The following GPR83 variants were observed in gnomAD, a reference collection of about 807,000 sequenced individuals.
GPR83 encodes G protein-coupled receptor 83.
In GPR83, 23 loss-of-function variants were observed where a neutral mutation model predicts 28.0. The ratio of observed to expected loss-of-function variants is 0.82; its 90% CI spans 0.59 to 1.16. The LOEUF is 1.16. GPR83 is among the 50% of genes most tolerant of loss of function. GPR83 has a pLI of 0.00. For missense variants in GPR83, 610 were observed against 536.6 expected, an observed-to-expected ratio of 1.14 and a Z score of -1.35; for synonymous variants, 234 against 215.4, an observed-to-expected ratio of 1.09 and a Z score of -0.76.
intron 3 of GPR83, among the ~76,000 whole-genome samples, chr11:94,388,430 T>C (rs1944781470): frequency 6.6e-6 from 1 of 152,192 alleles, no homozygotes; most frequent in Non-Finnish European, 1.5e-5. Context: ...AACCCCATCA[T>C]CTCAGCCCAA....
chr11:94,380,362 C>A lies in GPR83; in HGVS notation c.1059G>T (p.Arg353Ser), dbSNP rs764984463. Reference protein sequence around the residue: ...FIYCWLNENFRIELKALLSMC... With the variant: ...FIYCWLNENFSIELKALLSMC... Reference sequence around the variant, plus strand: ...TGCTCAGTAATGCCTTTAGCTCAATCCTGAAGTTCTCGTTCAGCCAGCAGT... The same window carrying A: ...TGCTCAGTAATGCCTTTAGCTCAATACTGAAGTTCTCGTTCAGCCAGCAGT... The change falls in exon 4 of 4, where the codon AGG becomes AGT. Residue 353 changes from arginine to serine, a missense_variant. By Grantham distance (110) the Arg-to-Ser change is moderately radical. Coordinates refer to ENST00000243673, the MANE Select transcript of GPR83 (RefSeq NM_016540.4). 2.5e-6 allele frequency: 4 copies of A among 1,614,014 alleles called. No homozygotes were observed. The highest frequency in any genetic ancestry group is 3.4e-6 in the Non-Finnish European group (4 of 1,179,928).
chr11:94,393,910 T>C (rs1352189437), intron 2 of GPR83, among the ~76,000 whole-genome samples: 3 of 152,088 alleles, frequency 2.0e-5, no homozygotes, highest in African/African-American at 7.2e-5. Flanking sequence ...TTATGTTCAT[T>C]ATTGAGCCCC....
At chr11:94,386,170 G>A (rs370543595) in intron 3 of GPR83, among the ~76,000 whole-genome samples, 6 of 152,144 alleles carry the variant, frequency 3.9e-5, no homozygotes, top group East Asian at 3.9e-4. Flanking sequence ...TCACCACCAG[G>A]CCTGCCCTAC....
At chr11:94,396,607 C>T (rs1051542752) in intron 1 of GPR83, 83 bp from the exon 2 acceptor site, 2 of 1,391,664 alleles carry the variant, frequency 1.4e-6, no homozygotes, top group South Asian at 1.3e-5. Flanking sequence ...GGAGCATGCC[C>T]TTAGGGGGAT....
At chr11:94,382,147 G>A (rs973355977) in intron 3 of GPR83, among the ~76,000 whole-genome samples, 3 of 152,108 alleles carry the variant, frequency 2.0e-5, no homozygotes. Context: ...GAGGTCAGGA[G>A]TTCCAGACCA....
At chr11:94,399,701 G>A (rs147322459) in intron 1 of GPR83, among the ~76,000 whole-genome samples, 167 of 152,240 alleles carry the variant, frequency 1.1e-3, no homozygotes, top group African/African-American at 3.8e-3. Context: ...ATGGCAAGGA[G>A]ACAGACAGAG....
intron 3 of GPR83, among the ~76,000 whole-genome samples, chr11:94,389,883 C>T (rs1387826804): frequency 5.3e-5 from 8 of 152,120 alleles, no homozygotes; most frequent in African/African-American, 9.7e-5. Context: ...ATGATTATTG[C>T]GGCACTATTC....
At position 94,386,129 on chromosome 11, in the gene GPR83, G is replaced by T. The variant is rs190271117; in HGVS notation, c.648-5356C>A. Among the ~76,000 whole-genome samples, 435 of 152,176 alleles carry T rather than the reference G, an allele frequency of 2.9e-3. 3 individuals carry two copies. Among genetic ancestry groups the T allele is most frequent in the African/African-American group, 9.9e-3 (412 of 41,518 alleles). Reference sequence around the variant, plus strand: ...CATAAGTGAAGGAGAAATAAATTACGTTACAGATAAGCAAATGCTGAGAGA... The same window carrying T: ...CATAAGTGAAGGAGAAATAAATTACTTTACAGATAAGCAAATGCTGAGAGA... On this transcript the variant is annotated intron_variant, in intron 3 of 3. Coordinates refer to ENST00000243673, the MANE Select transcript of GPR83 (RefSeq NM_016540.4).
intron 2 of GPR83, among the ~76,000 whole-genome samples, chr11:94,394,420 G>A (rs1410761607): frequency 2.6e-5 from 4 of 152,202 alleles, no homozygotes; most frequent in Non-Finnish European, 5.9e-5. Flanking sequence ...TCTTGGAGTT[G>A]CTACTGTATA....
At position 94,400,923 on chromosome 11, in the gene GPR83, A is replaced by G; in HGVS notation, c.325T>C (p.Phe109Leu). ...TCGGCAACTGCCAGGTTGACGATGA[A>G]GAGGCTGGTGGCCGAGTGCATTCGC... ...NQRMHSATSL[F>L]IVNLAVADIM... The change falls in exon 1 of 4, where the codon TTC (phenylalanine) becomes CTC (leucine). Residue 109 changes from phenylalanine to leucine, a missense_variant. Coordinates refer to ENST00000243673, the MANE Select transcript of GPR83 (RefSeq NM_016540.4). 1 of 1,614,136 alleles carries G rather than the reference A, an allele frequency of 6.2e-7. No homozygotes were observed. The highest frequency in any genetic ancestry group is 8.5e-7 in the Non-Finnish European group (1 of 1,179,970).
chr11:94,389,816 C>T (rs1397167014), intron 3 of GPR83, among the ~76,000 whole-genome samples: 1 of 152,174 alleles, frequency 6.6e-6, no homozygotes, highest in East Asian at 1.9e-4. Flanking sequence ...CATCCCATTA[C>T]TGGGTATATA....
rs780449981 is a variant in GPR83, at chr11:94,380,252, T to C, written c.1169A>G (p.Asp390Gly). 2 of 1,537,484 alleles carry C rather than the reference T, an allele frequency of 1.3e-6. No homozygotes were observed. Among genetic ancestry groups the C allele is most frequent in the South Asian group, 1.3e-5 (1 of 77,558 alleles). ...SFRVAWTEKN[D>G]GQRAPLANNL... ...ATTGGCAAGGGGAGCCCTCTGGCCATCATTCTTCTCTGTCCAGGCCACCCT... is the reference window on the plus strand; with the variant it reads ...ATTGGCAAGGGGAGCCCTCTGGCCACCATTCTTCTCTGTCCAGGCCACCCT... Residue 390 changes from aspartate to glycine, a missense_variant, in exon 4 of 4, where the codon GAT becomes GGT. Physicochemically the swap from Asp to Gly is moderately conservative, Grantham distance 94. Coordinates refer to ENST00000243673, the MANE Select transcript of GPR83 (RefSeq NM_016540.4).
chr11:94,393,028 C>T (rs1280089661), intron 3 of GPR83, among the ~76,000 whole-genome samples: 5 of 152,142 alleles, frequency 3.3e-5, no homozygotes, highest in Non-Finnish European at 7.4e-5. Context: ...GAAAGAAAGA[C>T]GTTCTCATTC....
In GPR83 at chr11:94,380,256, T is replaced by A; in HGVS notation, c.1165A>T (p.Asn389Tyr). The A allele has an allele frequency of 6.5e-7, 1 of 1,540,208 alleles. No homozygotes were observed. Among genetic ancestry groups the A allele is most frequent in the Non-Finnish European group, 8.7e-7 (1 of 1,145,358 alleles). Residue 389 changes from asparagine (N) to tyrosine (Y), a missense_variant, in exon 4 of 4, where the codon AAT (asparagine) becomes TAT (tyrosine). Coordinates refer to ENST00000243673, the MANE Select transcript of GPR83 (RefSeq NM_016540.4). ...GCAAGGGGAGCCCTCTGGCCATCATTCTTCTCTGTCCAGGCCACCCTGAAG... is the reference window on the plus strand; with the variant it reads ...GCAAGGGGAGCCCTCTGGCCATCATACTTCTCTGTCCAGGCCACCCTGAAG... ...PSFRVAWTEKNDGQRAPLANN... is the reference protein window; with the variant it reads ...PSFRVAWTEKYDGQRAPLANN...
At chr11:94,396,600 G>A in intron 1 of GPR83, 76 bp from the exon 2 acceptor site, 1 of 1,483,722 alleles carries the variant, frequency 6.7e-7, no homozygotes, top group Admixed American at 1.7e-5. Context: ...TCTCTGAGGA[G>A]CATGCCCTTA....
chr11:94,384,381 G>A (rs1214880486), intron 3 of GPR83, among the ~76,000 whole-genome samples: 2 of 152,126 alleles, frequency 1.3e-5, no homozygotes, highest in Non-Finnish European at 2.9e-5. Context: ...TGGCCGAATA[G>A]GAACAGCTCC....
chr11:94,400,901 G>C lies in GPR83; in HGVS notation c.347C>G (p.Ala116Gly), dbSNP rs1202043018. 3.1e-6 allele frequency: 5 copies of C among 1,614,064 alleles called. No individual in the cohort carries two copies. The highest frequency in any genetic ancestry group is 4.2e-6 in the Non-Finnish European group (5 of 1,179,908). ...GTTGAGCAGCGTGATCATTATGTCG[G>C]CAACTGCCAGGTTGACGATGAAGAG... ...TSLFIVNLAV[A>G]DIMITLLNTP... The change falls in exon 1 of 4, where the codon GCC becomes GGC. Residue 116 changes from alanine (A) to glycine (G), a missense_variant. Transcript: ENST00000243673.
chr11:94,396,873 A>G (rs940134084), intron 1 of GPR83, among the ~76,000 whole-genome samples: 2 of 151,734 alleles, frequency 1.3e-5, no homozygotes, highest in African/African-American at 4.8e-5. Flanking sequence ...CATTTGCAAA[A>G]AAAAAAAAAA....
chr11:94,383,009 A>C (rs188300680), intron 3 of GPR83, among the ~76,000 whole-genome samples: 1 of 147,598 alleles, frequency 6.8e-6, no homozygotes, highest in Non-Finnish European at 1.5e-5. Flanking sequence ...CTAAAAATAC[A>C]AAAAAAAAAT....
Sources: gnomAD v4.1 joint callset for allele counts (sites outside exome capture counted in the v4.1 genomes callset) on GRCh38, gnomAD v4.1.1 for gene constraint, MANE v1.5 for transcripts, NCBI Gene and HGNC (gene_info 2026-07-23, HGNC 2026-07-21) for gene names.